BDNF: variants seen among roughly 807,000 people sequenced by gnomAD.
The protein encoded by BDNF is brain derived neurotrophic factor, also known as neurotrophic factor BDNF precursor form.
A neutral mutation model predicts 19.5 loss-of-function variants in BDNF; 1 was observed. That is an observed-to-expected ratio of 0.05 (90% CI 0.02 to 0.24). BDNF has a LOEUF of 0.24. BDNF is among the 10% of genes least tolerant of loss of function. BDNF has a pLI of 1.00. For synonymous variants in BDNF, 100 were observed against 121.6 expected (o/e 0.82, Z 1.17); for missense variants, 195 against 317.6 (o/e 0.61, Z 2.93).
At chr11:27,673,910 AAG>A (rs1161260071) in intron 1 of BDNF, 116 of 922,952 alleles carry the variant, frequency 1.3e-4, no homozygotes, top group Non-Finnish European at 1.7e-4. Flanking sequence ...TTAAAAAAAC[AAG>A]AGAGATGAAA....
At chr11:27,719,718 T>C in intron 1 of BDNF, 1 of 534,362 alleles carries the variant, frequency 1.9e-6, no homozygotes, top group Non-Finnish European at 2.1e-6. Flanking sequence ...GAGGGAGGGA[T>C]GGAGGCTGGA....
intron 1 of BDNF, among the ~76,000 whole-genome samples, chr11:27,678,750 C>G (rs536090304): frequency 1.3e-5 from 2 of 152,102 alleles, no homozygotes; most frequent in African/African-American, 4.8e-5. Flanking sequence ...CCTAGAGGAC[C>G]TTTTACCCCC....
chr11:27,674,592 A>G, intron 1 of BDNF: 1 of 985,268 alleles, frequency 1.0e-6, no homozygotes, highest in Non-Finnish European at 1.2e-6. Context: ...CTTAGATGAC[A>G]AAAGATCCAT....
At chr11:27,706,369 C>T (rs546669790) in intron 1 of BDNF, among the ~76,000 whole-genome samples, 3 of 152,304 alleles carry the variant, frequency 2.0e-5, no homozygotes, top group East Asian at 3.9e-4. Context: ...AAGTAGACTA[C>T]ACATCCTTCT....
chr11:27,701,862 C>A (rs1859914308), upstream of BDNF, among the ~76,000 whole-genome samples: 1 of 152,144 alleles, frequency 6.6e-6, no homozygotes, highest in Admixed American at 6.5e-5. Flanking sequence ...CTTTTAATAA[C>A]GAACCAGGGC....
chr11:27,721,741 A>C, exon 1 of BDNF: 1 of 444,026 alleles, frequency 2.3e-6, no homozygotes, highest in Admixed American at 3.5e-5. Context: ...GAGGTTACCA[A>C]TGATTGCCCA....
intron 1 of BDNF, among the ~76,000 whole-genome samples, chr11:27,683,098 A>G (rs1490487216): frequency 1.3e-5 from 2 of 152,210 alleles, no homozygotes; most frequent in South Asian, 2.1e-4. Flanking sequence ...AATGATCGCC[A>G]TTCTAACTGG....
At chr11:27,692,349 C>G (rs1186008063) in intron 1 of BDNF, among the ~76,000 whole-genome samples, 1 of 152,080 alleles carries the variant, frequency 6.6e-6, no homozygotes, top group Non-Finnish European at 1.5e-5. Flanking sequence ...CCTTCCTTCC[C>G]TTCCTTCCCT....
chr11:27,712,739 TC>T (rs1022347232), intron 1 of BDNF, among the ~76,000 whole-genome samples: 1 of 151,796 alleles, frequency 6.6e-6, no homozygotes, highest in African/African-American at 2.4e-5. Context: ...GGTCTGGAAC[TC>T]CTGACCTCAA....
Position 27,658,649 on chromosome 11 carries a change from T to C in BDNF, c.-21-64A>G. 1.2e-6 allele frequency: 2 copies of C among 1,613,500 alleles called. No homozygotes were observed. The highest frequency in any genetic ancestry group is 8.5e-7 in the Non-Finnish European group (1 of 1,179,906). ...AGGGCTTTCTTTCACCGGGATGCCA[T>C]GTGGCCCATCTGATTGTAATTCCAG... On this transcript the variant is annotated intron_variant, in intron 1 of 1. Coordinates refer to ENST00000356660, the MANE Select transcript of BDNF (RefSeq NM_001709.5). The surrounding 1 kb of genome is among the most constrained non-coding windows in gnomAD (Gnocchi z 5.7).
At chr11:27,676,732 C>A (rs1856168715) in intron 1 of BDNF, among the ~76,000 whole-genome samples, 1 of 152,104 alleles carries the variant, frequency 6.6e-6, no homozygotes, top group African/African-American at 2.4e-5. Flanking sequence ...TAAAATCATT[C>A]CTCAAAAAAG....
chr11:27,707,458 G>A (rs931314185), intron 1 of BDNF, among the ~76,000 whole-genome samples: 2 of 152,178 alleles, frequency 1.3e-5, no homozygotes, highest in African/African-American at 4.8e-5. Context: ...GGGTAGCAGA[G>A]GAGAATGTTT....
chr11:27,699,387 C>T (rs770993324), intron 1 of BDNF: 6 of 1,614,050 alleles, frequency 3.7e-6, no homozygotes, highest in Non-Finnish European at 5.1e-6. Context: ...CTCACCCATT[C>T]CTCTTCCCGG....
intron 1 of BDNF, among the ~76,000 whole-genome samples, chr11:27,707,743 C>T (rs2134099794): frequency 6.6e-6 from 1 of 152,248 alleles, no homozygotes; most frequent in South Asian, 2.1e-4. Flanking sequence ...TAAATTCCAG[C>T]CCCTATAATT....
chr11:27,664,037 A>G (rs1853910065), intron 1 of BDNF, among the ~76,000 whole-genome samples: 1 of 152,134 alleles, frequency 6.6e-6, no homozygotes, highest in Admixed American at 6.5e-5. Context: ...CATACAGAAA[A>G]AAAAAAAAGT....
intron 1 of BDNF, chr11:27,660,199 G>C: frequency 8.2e-7 from 1 of 1,213,112 alleles, no homozygotes; most frequent in Non-Finnish European, 1.0e-6. Context: ...GAAAACTCTG[G>C]TATTGAAAAG....
intron 1 of BDNF, among the ~76,000 whole-genome samples, chr11:27,695,971 C>G (rs1858941456): frequency 6.6e-6 from 1 of 152,072 alleles, no homozygotes; most frequent in South Asian, 2.1e-4. Flanking sequence ...GAATACCTTC[C>G]TGTTCCACTT....
intron 1 of BDNF, among the ~76,000 whole-genome samples, chr11:27,705,626 G>A (rs1420357682): frequency 6.6e-6 from 1 of 152,192 alleles, no homozygotes; most frequent in Non-Finnish European, 1.5e-5. Flanking sequence ...ACTTGAGCAG[G>A]ATGTGCAACT....
chr11:27,680,543 A>T (rs2133955001), intron 1 of BDNF, among the ~76,000 whole-genome samples: 1 of 152,298 alleles, frequency 6.6e-6, no homozygotes, highest in African/African-American at 2.4e-5. Context: ...TGATAAGAAC[A>T]ATACTGAAAT....
Sources: allele counts gnomAD v4.1 joint callset (sites outside exome capture counted in the v4.1 genomes callset), GRCh38; gene constraint gnomAD v4.1.1; non-coding constraint Gnocchi (gnomAD v3.1); transcripts MANE v1.5; gene names NCBI Gene and HGNC (gene_info 2026-07-23, HGNC 2026-07-21).